ERC2: variants seen among roughly 807,000 people sequenced by gnomAD.
ERC2 encodes ELKS/RAB6-interacting/CAST family member 2.
A neutral mutation model predicts 114.8 loss-of-function variants in ERC2; 42 were observed. The observed-to-expected ratio is 0.37, with a 90% CI of 0.29 to 0.47. The LOEUF (loss-of-function observed/expected upper bound fraction) is 0.47, where lower values mean the gene tolerates loss of function less well. Among genes scored for constraint, ERC2 ranks in the 20% least tolerant of loss-of-function variants. The pLI is 0.99. For synonymous variants in ERC2, 454 were observed against 425.5 expected, an observed-to-expected ratio of 1.07 and a Z score of -0.82; for missense variants, 939 against 1,150.7, an observed-to-expected ratio of 0.82 and a Z score of 2.66.
chr3:55,888,749 G>C lies in ERC2; in HGVS notation c.2404-200C>G, dbSNP rs113519812. On this transcript the variant is annotated intron_variant, in intron 13 of 17. Transcript: ENST00000288221. ...CCTAAGAATGATATAATGGACTCTG[G>C]GGAGTTGTGGGGAAAGGCTGGGAGG... Among the ~76,000 whole-genome samples, 1,410 of 152,196 alleles carry C rather than the reference G, an allele frequency of 9.3e-3. 19 individuals carry two copies. Among genetic ancestry groups the C allele is most frequent in the African/African-American group, 0.032 (1,344 of 41,522 alleles).
chr3:55,913,487 T>C (rs1298009387), intron 13 of ERC2, among the ~76,000 whole-genome samples: 1 of 152,190 alleles, frequency 6.6e-6, no homozygotes, highest in Non-Finnish European at 1.5e-5. Context: ...ATTGGTCTCC[T>C]GAAAAACCAC....
In ERC2 at chr3:56,218,799, C is replaced by T. The variant is rs183955594; in HGVS notation, c.1075-45279G>A. Reference sequence around the variant, plus strand: ...TGTGGCACATATACACCATGGAATACGATGCAGCCATAAAAAATGATGAGT... The same window carrying T: ...TGTGGCACATATACACCATGGAATATGATGCAGCCATAAAAAATGATGAGT... On this transcript the variant is annotated intron_variant, in intron 3 of 17. Transcript: ENST00000288221. 3.4e-3 allele frequency among the ~76,000 whole-genome samples: 511 copies of T among 152,186 alleles called. 1 individual carries two copies. Among genetic ancestry groups the T allele is most frequent in the African/African-American group, 0.012 (490 of 41,526 alleles).
chr3:56,112,063 C>A (rs1445865221), intron 6 of ERC2, among the ~76,000 whole-genome samples: 1 of 152,178 alleles, frequency 6.6e-6, no homozygotes, highest in African/African-American at 2.4e-5. Context: ...CTAAAAACAT[C>A]TTTCTAGTAT....
At chr3:56,309,423 C>T (rs1464525377) in intron 2 of ERC2, among the ~76,000 whole-genome samples, 5 of 152,136 alleles carry the variant, frequency 3.3e-5, no homozygotes, top group African/African-American at 1.2e-4. Context: ...CATTACAGAC[C>T]AATACTCTAA....
intron 7 of ERC2, among the ~76,000 whole-genome samples, chr3:56,054,461 G>T (rs1173812646): frequency 6.6e-6 from 1 of 152,142 alleles, no homozygotes; most frequent in Non-Finnish European, 1.5e-5. Context: ...CTGAATAAAT[G>T]CCTTTCATAT....
intron 14 of ERC2, among the ~76,000 whole-genome samples, chr3:55,777,093 C>A (rs189645256): frequency 6.6e-6 from 1 of 151,966 alleles, no homozygotes; most frequent in South Asian, 2.1e-4. Context: ...AAAATAATAA[C>A]AGCAATATCT....
At chr3:56,387,403 G>C (rs2059972935) in intron 2 of ERC2, among the ~76,000 whole-genome samples, 1 of 152,134 alleles carries the variant, frequency 6.6e-6, no homozygotes, top group Admixed American at 6.6e-5. Flanking sequence ...AATGCAAAGT[G>C]ATTTTTTTAA....
chr3:55,594,809 C>T (rs543657152), intron 17 of ERC2, among the ~76,000 whole-genome samples: 58 of 152,258 alleles, frequency 3.8e-4, no homozygotes, highest in African/African-American at 1.4e-3. Context: ...GATAACTCTG[C>T]TTCTTCTTGA....
chr3:55,656,631 T>TTA (rs780755270), intron 17 of ERC2, among the ~76,000 whole-genome samples: 38 of 152,320 alleles, frequency 2.5e-4, no homozygotes, highest in Non-Finnish European at 4.0e-4. Flanking sequence ...TGTGATTATC[T>TTA]TATAAGGAGA....
chr3:55,989,248 C>T (rs1208884479), intron 11 of ERC2, among the ~76,000 whole-genome samples: 2 of 152,230 alleles, frequency 1.3e-5, no homozygotes, highest in East Asian at 3.8e-4. Flanking sequence ...CCTGTAAAAT[C>T]ACTGCTGCTT....
At chr3:56,295,114 G>A (rs1288241862) in intron 3 of ERC2, among the ~76,000 whole-genome samples, 2 of 152,166 alleles carry the variant, frequency 1.3e-5, no homozygotes, top group African/African-American at 4.8e-5. Flanking sequence ...CAGGTATACT[G>A]CCAAGAAATC....
intron 6 of ERC2, among the ~76,000 whole-genome samples, chr3:56,091,486 T>C (rs554810712): frequency 3.3e-5 from 5 of 152,162 alleles, no homozygotes; most frequent in Non-Finnish European, 7.3e-5. Context: ...AATGGCTATA[T>C]GATTTGGAAG....
At chr3:55,559,108 T>C (rs948171942) in intron 17 of ERC2, among the ~76,000 whole-genome samples, 1 of 152,244 alleles carries the variant, frequency 6.6e-6, no homozygotes, top group Admixed American at 6.5e-5. Context: ...GAGCAGGGCA[T>C]GGCCTTTTAA....
At chr3:55,897,235 C>G (rs547074241) in intron 13 of ERC2, among the ~76,000 whole-genome samples, 1 of 152,204 alleles carries the variant, frequency 6.6e-6, no homozygotes, top group Non-Finnish European at 1.5e-5. Flanking sequence ...CTCCAGGTTC[C>G]ATGCATCTCT....
chr3:56,435,018 T>C lies in ERC2; in HGVS notation c.-11A>G, dbSNP rs2061955846. 6.3e-7 allele frequency: 1 copy of C among 1,591,192 alleles called. No homozygotes were observed. The highest frequency in any genetic ancestry group is 1.3e-5 in the African/African-American group (1 of 74,470). On this transcript the variant is annotated 5_prime_UTR_variant, in exon 2 of 18. Transcript: ENST00000288221. The stretch of plus-strand genomic sequence containing the variant: ...TGCACTTCCATACATTTTTCTTGTA[T>C]TATGAGGTGTTACTGAAGAGAAGAA...
intron 17 of ERC2, among the ~76,000 whole-genome samples, chr3:55,535,469 G>A (rs562320347): frequency 6.6e-6 from 1 of 152,152 alleles, no homozygotes; most frequent in Non-Finnish European, 1.5e-5. Flanking sequence ...CACAATTGAG[G>A]GGTGTTGCCA....
intron 17 of ERC2, among the ~76,000 whole-genome samples, chr3:55,557,366 G>C (rs1416520294): frequency 6.6e-6 from 1 of 152,170 alleles, no homozygotes; most frequent in Non-Finnish European, 1.5e-5. Context: ...CAGGGTCCTG[G>C]CCAGGGCCCT....
intron 7 of ERC2, among the ~76,000 whole-genome samples, chr3:56,067,474 T>C (rs980366656): frequency 1.3e-5 from 2 of 152,170 alleles, no homozygotes; most frequent in African/African-American, 4.8e-5. Context: ...TTTCTAGATA[T>C]AGGATCATGT....
intron 13 of ERC2, among the ~76,000 whole-genome samples, chr3:55,942,905 C>T (rs1264279453): frequency 1.3e-5 from 2 of 152,156 alleles, no homozygotes; most frequent in Non-Finnish European, 2.9e-5. Flanking sequence ...TTGGACAAGC[C>T]ATAAGTCAAA....
Sources: allele counts gnomAD v4.1 joint callset (sites outside exome capture counted in the v4.1 genomes callset), GRCh38; gene constraint gnomAD v4.1.1; transcripts MANE v1.5; gene names NCBI Gene and HGNC (gene_info 2026-07-23, HGNC 2026-07-21).